The following AKAP6 variants were observed in gnomAD, a reference collection of about 807,000 sequenced individuals.
AKAP6 encodes the protein A-kinase anchor protein 6.
A neutral mutation model predicts 188.5 loss-of-function variants in AKAP6; 58 were observed. That is an observed-to-expected ratio of 0.31 (90% confidence interval 0.25 to 0.38). The LOEUF (loss-of-function observed/expected upper bound fraction) is 0.38. Among genes scored for constraint, AKAP6 ranks in the 10% least tolerant of loss-of-function variants. The probability of loss-of-function intolerance (pLI) is 1.00; values close to 1 mark genes in which losing one functional copy is unlikely to be tolerated. For missense variants in AKAP6, 2,710 were observed against 2,740.0 expected (o/e 0.99, Z 0.24); for synonymous variants, 989 against 998.6 (o/e 0.99, Z 0.18).
chr14:32,432,603 A>G (rs1890258809), intron 1 of AKAP6, among the ~76,000 whole-genome samples: 1 of 152,208 alleles, frequency 6.6e-6, no homozygotes, highest in South Asian at 2.1e-4. Flanking sequence ...GAAAGTAAAG[A>G]TTTGGGATTG....
intron 2 of AKAP6, among the ~76,000 whole-genome samples, chr14:32,446,766 A>C (rs562538878): frequency 1.3e-5 from 2 of 152,280 alleles, no homozygotes; most frequent in East Asian, 3.9e-4. Flanking sequence ...AATTCCATGA[A>C]TGTGTTGCAG....
At chr14:32,713,621 A>G (rs150510126) in intron 9 of AKAP6, among the ~76,000 whole-genome samples, 7 of 152,102 alleles carry the variant, frequency 4.6e-5, no homozygotes, top group African/African-American at 1.2e-4. Context: ...TGTTATGGAG[A>G]TGGTGTCTTT....
At chr14:32,772,708 A>G (rs1378161828) in intron 11 of AKAP6, among the ~76,000 whole-genome samples, 3 of 152,218 alleles carry the variant, frequency 2.0e-5, no homozygotes, top group Admixed American at 2.0e-4. Context: ...ACTTTCAGGC[A>G]TTAAAACTCT....
At chr14:32,348,472 T>C (rs911417672) in intron 1 of AKAP6, among the ~76,000 whole-genome samples, 2 of 145,554 alleles carry the variant, frequency 1.4e-5, no homozygotes, top group Admixed American at 1.4e-4. Context: ...TAAAGTGCAA[T>C]GACACAATCC....
intron 2 of AKAP6, among the ~76,000 whole-genome samples, chr14:32,437,622 G>T (rs1207151591): frequency 2.0e-5 from 3 of 151,568 alleles, no homozygotes; most frequent in African/African-American, 7.3e-5. Flanking sequence ...TTTGAGACAG[G>T]GTCTCACTCC....
intron 5 of AKAP6, among the ~76,000 whole-genome samples, chr14:32,584,940 AAG>A (rs1885162587): frequency 6.6e-6 from 1 of 152,174 alleles, no homozygotes. Flanking sequence ...TTATTGCCTT[AAG>A]AAACAGAGTT....
intron 1 of AKAP6, chr14:32,402,159 A>G (rs911175202): frequency 6.6e-6 from 1 of 152,220 alleles, no homozygotes; most frequent in Non-Finnish European, 1.5e-5. Flanking sequence ...AAGAACCTCA[A>G]ATCAATTTCT....
chr14:32,330,380 A>G (rs1886494162), intron 1 of AKAP6, among the ~76,000 whole-genome samples: 1 of 152,024 alleles, frequency 6.6e-6, no homozygotes, highest in Admixed American at 6.6e-5. Flanking sequence ...TATTATTATT[A>G]TTATTTTCTA....
At chr14:32,444,164 G>A (rs931621418) in intron 2 of AKAP6, among the ~76,000 whole-genome samples, 2 of 152,172 alleles carry the variant, frequency 1.3e-5, no homozygotes, top group African/African-American at 2.4e-5. Flanking sequence ...GTCTTAGGGT[G>A]ATTTTGCAAG....
chr14:32,342,386 C>T (rs899561551), intron 1 of AKAP6, among the ~76,000 whole-genome samples: 3 of 152,160 alleles, frequency 2.0e-5, no homozygotes, highest in Non-Finnish European at 2.9e-5. Flanking sequence ...CATGTCTACC[C>T]TCACCTAAGT....
At chr14:32,469,466 C>G (rs1329163452) in intron 2 of AKAP6, among the ~76,000 whole-genome samples, 1 of 152,142 alleles carries the variant, frequency 6.6e-6, no homozygotes, top group Non-Finnish European at 1.5e-5. Flanking sequence ...GAAAACATGT[C>G]CAATAATCTG....
At chr14:32,332,938 A>G (rs891866471) in intron 1 of AKAP6, among the ~76,000 whole-genome samples, 5 of 152,142 alleles carry the variant, frequency 3.3e-5, no homozygotes, top group Non-Finnish European at 7.4e-5. Flanking sequence ...GCTCATCCCC[A>G]GCTATCCACG....
chr14:32,459,741 A>T lies in AKAP6; in HGVS notation c.324+25924A>T, dbSNP rs917495371. Reference sequence around the variant, plus strand: ...AATTGTCACCGAAATTTGTCAACTGATTTTTTTTTTTCAGAAGACAGTGGA... The same window carrying T: ...AATTGTCACCGAAATTTGTCAACTGTTTTTTTTTTTTCAGAAGACAGTGGA... On this transcript the variant is annotated intron_variant, in intron 2 of 13. Coordinates refer to ENST00000280979, the MANE Select transcript of AKAP6 (RefSeq NM_004274.5). Among the ~76,000 whole-genome samples the T allele has an allele frequency of 2.0e-5, 3 of 147,668 alleles. No individual in the cohort carries two copies. In the East Asian group the frequency reaches 6.1e-4, roughly 30 times the overall value.
chr14:32,744,446 A>G (rs889493888), intron 11 of AKAP6, among the ~76,000 whole-genome samples: 2 of 151,992 alleles, frequency 1.3e-5, no homozygotes, highest in African/African-American at 4.8e-5. Flanking sequence ...CCTCATGAGT[A>G]GCTGGGACTA....
At chr14:32,519,148 A>G (rs1032491830) in intron 2 of AKAP6, among the ~76,000 whole-genome samples, 2 of 152,178 alleles carry the variant, frequency 1.3e-5, no homozygotes, top group Non-Finnish European at 1.5e-5. Context: ...AAATGCTGAG[A>G]GATTTTGTCA....
chr14:32,483,434 G>A lies in AKAP6; in HGVS notation c.324+49617G>A, dbSNP rs1320404376. Among the ~76,000 whole-genome samples the A allele has an allele frequency of 1.3e-4, 19 of 151,968 alleles. No individual in the cohort carries two copies. The East Asian group carries it at 3.7e-3, about 29-fold the overall frequency. Reference sequence around the variant, plus strand: ...TAGGAATGTAAAACAGTTTTATAGTGAAGTTTGATTTTTTTTCTCTTATAG... The same window carrying A: ...TAGGAATGTAAAACAGTTTTATAGTAAAGTTTGATTTTTTTTCTCTTATAG... On this transcript the variant is annotated intron_variant, in intron 2 of 13. Transcript: ENST00000280979.
intron 2 of AKAP6, chr14:32,439,179 A>T (rs1445518874): frequency 4.6e-5 from 7 of 152,200 alleles, no homozygotes; most frequent in Admixed American, 4.6e-4. Flanking sequence ...CCAGACTGAG[A>T]TGTCTGGGAC....
intron 2 of AKAP6, among the ~76,000 whole-genome samples, chr14:32,508,452 C>T (rs1454656393): frequency 1.3e-5 from 2 of 152,070 alleles, no homozygotes; most frequent in Non-Finnish European, 2.9e-5. Flanking sequence ...TCTGAAGATC[C>T]GGTTGCAGGA....
At chr14:32,702,497 G>A (rs1890654259) in intron 9 of AKAP6, among the ~76,000 whole-genome samples, 1 of 150,744 alleles carries the variant, frequency 6.6e-6, no homozygotes, top group Non-Finnish European at 1.5e-5. Context: ...TCTCAACAAT[G>A]TTTGAAACAC....
Sources: gnomAD v4.1 joint callset for allele counts (sites outside exome capture counted in the v4.1 genomes callset) on GRCh38, gnomAD v4.1.1 for gene constraint, MANE v1.5 for transcripts, NCBI Gene and HGNC (gene_info 2026-07-23, HGNC 2026-07-21) for gene names.